Variants in JAZF1 observed in about 807,000 individuals in gnomAD.
The protein encoded by JAZF1 is juxtaposed with another zinc finger protein 1.
In JAZF1, 8 loss-of-function variants were observed where a neutral mutation model predicts 26.4. That is an observed-to-expected ratio of 0.30 (90% confidence interval 0.18 to 0.55). The LOEUF is 0.55. Among genes scored for constraint, JAZF1 ranks in the 20% least tolerant of loss-of-function variants. The pLI, the probability that JAZF1 is intolerant of heterozygous loss-of-function variation, is 0.94. For missense variants in JAZF1, 199 were observed against 322.0 expected (o/e 0.62, Z 2.92); for synonymous variants, 126 against 122.3 (o/e 1.03, Z -0.20).
chr7:28,069,731 A>C (rs1484405495), intron 1 of JAZF1, among the ~76,000 whole-genome samples: 1 of 152,166 alleles, frequency 6.6e-6, no homozygotes, highest in Non-Finnish European at 1.5e-5. Flanking sequence ...CTTTAGCTTT[A>C]GAGTTTGGGG....
intron 1 of JAZF1, among the ~76,000 whole-genome samples, chr7:28,177,939 G>A (rs2127956442): frequency 6.6e-6 from 1 of 152,170 alleles, no homozygotes; most frequent in South Asian, 2.1e-4. Flanking sequence ...GATAGTAAAG[G>A]GCCTCTCCCC....
chr7:28,163,228 C>T (rs1259642023), intron 1 of JAZF1, among the ~76,000 whole-genome samples: 2 of 152,162 alleles, frequency 1.3e-5, no homozygotes, highest in African/African-American at 2.4e-5. Flanking sequence ...TAGTAAGTTG[C>T]CCAAGGTCAC....
At chr7:27,904,815 T>C (rs994059594) in intron 2 of JAZF1, among the ~76,000 whole-genome samples, 2 of 152,256 alleles carry the variant, frequency 1.3e-5, no homozygotes, top group African/African-American at 4.8e-5. Context: ...GATTTTTCAC[T>C]TGACCTTTAC....
intron 1 of JAZF1, among the ~76,000 whole-genome samples, chr7:28,090,180 A>G (rs1056239455): frequency 6.6e-6 from 1 of 152,262 alleles, no homozygotes; most frequent in African/African-American, 2.4e-5. Context: ...TTAATGATTG[A>G]ACCTACCTCA....
chr7:27,882,550 A>G (rs1334305468), intron 3 of JAZF1, among the ~76,000 whole-genome samples: 18 of 152,234 alleles, frequency 1.2e-4, no homozygotes. Flanking sequence ...CCTGTCAAAT[A>G]CCACTTGTTC....
intron 2 of JAZF1, among the ~76,000 whole-genome samples, chr7:27,916,748 AT>A (rs1784448055): frequency 6.6e-6 from 1 of 152,240 alleles, no homozygotes; most frequent in African/African-American, 2.4e-5. Flanking sequence ...CATGCATATA[AT>A]ATAAGAGCTG....
chr7:27,851,641 T>C (rs191741646), intron 3 of JAZF1, among the ~76,000 whole-genome samples: 11 of 152,060 alleles, frequency 7.2e-5, no homozygotes, highest in African/African-American at 2.7e-4. Context: ...CTGCAGTGAG[T>C]GGTGATGGCA....
At chr7:28,000,618 CTTTCTTTTTTT>C (rs1213216875) in intron 1 of JAZF1, among the ~76,000 whole-genome samples, 2 of 58,106 alleles carry the variant, frequency 3.4e-5, no homozygotes, top group Non-Finnish European at 1.1e-4. Flanking sequence ...TTCTTTCTTT[CTTTCTTTTTTT>C]TTTTTTTTTT....
At chr7:28,173,426 T>G (rs141518541) in intron 1 of JAZF1, among the ~76,000 whole-genome samples, 1 of 152,182 alleles carries the variant, frequency 6.6e-6, no homozygotes, top group Non-Finnish European at 1.5e-5. Context: ...TACACACATA[T>G]GGATATACGT....
chr7:27,831,176 A>ATACTT lies in JAZF1; in HGVS notation c.*1619_*1623dup, dbSNP rs1554326565. 3 of 223,064 alleles carry ATACTT rather than the reference A, an allele frequency of 1.3e-5. No individual in the cohort carries two copies. The highest frequency in any genetic ancestry group is 6.7e-5 in the African/African-American group (3 of 44,772). 13.8% of individuals were successfully genotyped at this position (223,064 alleles called of 1,614,324 possible). ...TTTTTAGAGGGCAGTGTTTTTATAA[A>ATACTT]TACTTTGAATCCCTCATAATGAAGG... On this transcript the variant is annotated 3_prime_UTR_variant, in exon 5 of 5. Transcript: ENST00000283928.
At chr7:28,015,217 A>G (rs2128371341) in intron 1 of JAZF1, among the ~76,000 whole-genome samples, 1 of 152,324 alleles carries the variant, frequency 6.6e-6, no homozygotes, top group East Asian at 1.9e-4. Context: ...CCACGTGGGA[A>G]AGATGGTATC....
intron 1 of JAZF1, among the ~76,000 whole-genome samples, chr7:28,143,977 C>T (rs1562601870): frequency 6.6e-6 from 1 of 152,140 alleles, no homozygotes. Flanking sequence ...CTCTGTAAAA[C>T]ATTGTTGAAT....
chr7:27,979,405 T>TTTTC (rs1368873651), intron 2 of JAZF1, among the ~76,000 whole-genome samples: 1 of 84,248 alleles, frequency 1.2e-5, no homozygotes, highest in Admixed American at 1.5e-4. Flanking sequence ...TTTTTTTTTT[T>TTTTC]AGAAACAGAG....
rs1167764331 is a variant in JAZF1 at position 28,161,070 on chromosome 7, A to T, written c.115+19393T>A. Among the ~76,000 whole-genome samples, 5 of 152,226 alleles carry T rather than the reference A, an allele frequency of 3.3e-5. 1 individual carries two copies. The highest frequency in any genetic ancestry group is 7.4e-5 in the Non-Finnish European group (5 of 68,020). Reference sequence around the variant, plus strand: ...TGAACAGATTATTTAAGCACTCTGTAGCTCAGCTTCCTCGTTTGTAAATTG... The same window carrying T: ...TGAACAGATTATTTAAGCACTCTGTTGCTCAGCTTCCTCGTTTGTAAATTG... On this transcript the variant is annotated intron_variant, in intron 1 of 4. Transcript: ENST00000283928.
chr7:28,024,148 A>G (rs776198262), intron 1 of JAZF1, among the ~76,000 whole-genome samples: 1 of 152,046 alleles, frequency 6.6e-6, no homozygotes, highest in African/African-American at 2.4e-5. Context: ...AAAAAATTTA[A>G]AAATGAATAT....
chr7:27,880,688 A>T (rs1783753643), intron 3 of JAZF1, among the ~76,000 whole-genome samples: 2 of 152,070 alleles, frequency 1.3e-5, no homozygotes, highest in African/African-American at 4.8e-5. Context: ...GTTTTGAGAC[A>T]GGGTCTTGCT....
chr7:28,034,794 T>C (rs1783256756), intron 1 of JAZF1, among the ~76,000 whole-genome samples: 1 of 152,140 alleles, frequency 6.6e-6, no homozygotes, highest in East Asian at 1.9e-4. Flanking sequence ...GAAACAGAGA[T>C]CTGGATGAAA....
In JAZF1 at chr7:28,145,874, C is replaced by T. The variant is rs1486001760; in HGVS notation, c.115+34589G>A. On this transcript the variant is annotated intron_variant, in intron 1 of 4. Transcript: ENST00000283928. ...TAGAATTTCATAAAGTAAAATCAAA[C>T]TGTACGTAGCCTTTGTGTGTGACTT... is the stretch of plus-strand genomic sequence containing the variant. Among the ~76,000 whole-genome samples, 9 of 152,252 alleles carry T rather than the reference C, an allele frequency of 5.9e-5. No individual in the cohort carries two copies. In the East Asian group the frequency reaches 1.7e-3, roughly 29 times the overall value.
At chr7:28,066,814 T>C (rs916694429) in intron 1 of JAZF1, among the ~76,000 whole-genome samples, 1 of 152,200 alleles carries the variant, frequency 6.6e-6, no homozygotes, top group Admixed American at 6.5e-5. Context: ...GTTTTAAAAC[T>C]CTAATTGGAA....
Sources: allele counts gnomAD v4.1 joint callset (sites outside exome capture counted in the v4.1 genomes callset), GRCh38; gene constraint gnomAD v4.1.1; transcripts MANE v1.5; gene names NCBI Gene and HGNC (gene_info 2026-07-23, HGNC 2026-07-21).